PDE1C: variants seen among roughly 807,000 people sequenced by gnomAD.
The protein encoded by PDE1C is phosphodiesterase 1C, also known as dual specificity calcium/calmodulin-dependent 3',5'-cyclic nucleotide phosphodiesterase 1C.
A neutral mutation model predicts 93.1 loss-of-function variants in PDE1C; 62 were observed. The ratio of observed to expected loss-of-function variants is 0.67; its 90% CI spans 0.54 to 0.82. PDE1C has a LOEUF of 0.82. PDE1C is among the 40% of genes least tolerant of loss of function. The pLI, the probability that PDE1C is intolerant of heterozygous loss-of-function variation, is 0.00. For missense variants in PDE1C, 742 were observed against 884.6 expected, an observed-to-expected ratio of 0.84 and a Z score of 2.04; for synonymous variants, 325 against 310.1, an observed-to-expected ratio of 1.05 and a Z score of -0.50.
At position 32,112,842 on chromosome 7, in the gene PDE1C, GTGTGTA is replaced by G. The variant is rs1471887921; in HGVS notation, c.308+56937_308+56942del. Among the ~76,000 whole-genome samples the G allele has an allele frequency of 3.3e-3, 168 of 50,634 alleles. 2 individuals are homozygous for G. The highest frequency in any genetic ancestry group is 7.4e-3 in the African/African-American group (78 of 10,536). 33.2% of individuals were successfully genotyped at this position (50,634 alleles called of 152,430 possible). On this transcript the variant is annotated intron_variant, in intron 3 of 18. Coordinates refer to the PDE1C transcript ENST00000396193. ...TGTGTGTGTGTGTGTGTGTGTGTGT[GTGTGTA>G]TATATATATATATATATATATATAT...
intron 2 of PDE1C, among the ~76,000 whole-genome samples, chr7:32,181,294 G>A (rs552497254): frequency 9.2e-5 from 14 of 152,116 alleles, no homozygotes; most frequent in Middle Eastern, 3.4e-3. Context: ...TGCACCAAGC[G>A]GACCTAATAG....
intron 16 of PDE1C, among the ~76,000 whole-genome samples, chr7:31,801,992 G>C (rs539132129): frequency 1.1e-4 from 17 of 151,460 alleles, no homozygotes; most frequent in Admixed American, 4.0e-4. Flanking sequence ...TTGTATAAAG[G>C]CATAATATAT....
the PDE1C span, among the ~76,000 whole-genome samples, chr7:31,680,256 A>C: frequency 2.6e-5 from 4 of 152,208 alleles, no homozygotes; most frequent in African/African-American, 9.6e-5. Context: ...CTTTGAGAAC[A>C]TGATACTCAA....
chr7:32,303,416 T>G (rs1025833607), upstream of PDE1C, among the ~76,000 whole-genome samples: 2 of 152,142 alleles, frequency 1.3e-5, no homozygotes, highest in African/African-American at 2.4e-5. Flanking sequence ...CTTTTAGAAT[T>G]TTTACAGGAA....
intron 1 of PDE1C, among the ~76,000 whole-genome samples, chr7:32,279,078 ACT>A (rs764049584): frequency 6.6e-6 from 1 of 152,164 alleles, no homozygotes; most frequent in Non-Finnish European, 1.5e-5. Flanking sequence ...GAAAAACCAA[ACT>A]CAAATATAAA....
chr7:32,158,508 T>G (rs1801713363), intron 3 of PDE1C, among the ~76,000 whole-genome samples: 1 of 152,174 alleles, frequency 6.6e-6, no homozygotes, highest in South Asian at 2.1e-4. Flanking sequence ...ACTACAGCAT[T>G]TAGAAGGATG....
chr7:31,628,843 T>G, the PDE1C span, among the ~76,000 whole-genome samples: 1 of 152,176 alleles, frequency 6.6e-6, no homozygotes, highest in Non-Finnish European at 1.5e-5. Context: ...AAGCACTATT[T>G]CTTCTTACTG....
chr7:31,652,851 T>G, the PDE1C span: 1 of 1,598,796 alleles, frequency 6.3e-7, no homozygotes, highest in Admixed American at 1.7e-5. Context: ...TTTGTTAACC[T>G]TCATACAAAA....
chr7:32,188,096 T>C (rs1244593575), intron 2 of PDE1C, among the ~76,000 whole-genome samples: 7 of 152,236 alleles, frequency 4.6e-5, no homozygotes, highest in Non-Finnish European at 1.0e-4. Flanking sequence ...AGCTGTCTTA[T>C]GCTATTTGCA....
intron 2 of PDE1C, among the ~76,000 whole-genome samples, chr7:31,971,227 A>T (rs1175974555): frequency 1.3e-5 from 2 of 152,130 alleles, no homozygotes; most frequent in African/African-American, 4.8e-5. Flanking sequence ...TCCTACATGT[A>T]TTGCACTGAG....
intron 2 of PDE1C, among the ~76,000 whole-genome samples, chr7:32,022,968 T>C (rs1788892385): frequency 6.6e-6 from 1 of 152,020 alleles, no homozygotes. Flanking sequence ...TATTTCTTTT[T>C]TTTTTTTTTA....
chr7:32,419,036 T>C (rs1785332633), intron 1 of PDE1C, among the ~76,000 whole-genome samples: 1 of 152,242 alleles, frequency 6.6e-6, no homozygotes, highest in Non-Finnish European at 1.5e-5. Context: ...CCCAGTACTC[T>C]GACTGGCAGA....
chr7:31,775,561 A>T (rs751283945), intron 17 of PDE1C, 103 bp downstream of exon 17: 3 of 902,274 alleles, frequency 3.3e-6, no homozygotes, highest in Admixed American at 2.2e-5. Flanking sequence ...TAGACTGGAT[A>T]ACTATGGGGC....
the PDE1C span, among the ~76,000 whole-genome samples, chr7:31,698,469 C>G: frequency 1.4e-4 from 22 of 152,314 alleles, no homozygotes; most frequent in Admixed American, 7.2e-4. Context: ...ACAACTCTCC[C>G]TCAGTTTCTT....
intron 3 of PDE1C, among the ~76,000 whole-genome samples, chr7:32,147,327 A>AGAAAGAAAGAAG (rs1800954985): frequency 4.7e-5 from 7 of 149,954 alleles, no homozygotes; most frequent in Non-Finnish European, 1.5e-5. Flanking sequence ...AAAGAAAGAA[A>AGAAAGAAAGAAG]GAAAGACGCT....
At chr7:31,941,866 C>T (rs202233101) in intron 2 of PDE1C, among the ~76,000 whole-genome samples, 2 of 152,104 alleles carry the variant, frequency 1.3e-5, no homozygotes, top group African/African-American at 2.4e-5. Flanking sequence ...AACAAGATAA[C>T]GTATGAAAGT....
chr7:32,287,670 C>T (rs754425596), intron 1 of PDE1C, among the ~76,000 whole-genome samples: 5 of 152,300 alleles, frequency 3.3e-5, no homozygotes, highest in Admixed American at 6.5e-5. Context: ...CTGCAAAGTA[C>T]GGGTCCAGAG....
intron 3 of PDE1C, among the ~76,000 whole-genome samples, chr7:32,087,643 C>T (rs1460499981): frequency 1.3e-5 from 2 of 152,108 alleles, no homozygotes; most frequent in Non-Finnish European, 2.9e-5. Context: ...AAATGTGGCA[C>T]ATATACACCA....
rs1049142557 is a variant in PDE1C at position 31,947,565 on chromosome 7, G to A, written c.129-66705C>T. On this transcript the variant is annotated intron_variant, in intron 2 of 17. Coordinates refer to ENST00000396191, the MANE Select transcript of PDE1C (RefSeq NM_001191057.4). ...AAAGTCAGCCAGGCCTTCCCTATAG[G>A]AGCAGCCCCCATCATTCACTGCTGC... 3.3e-5 allele frequency among the ~76,000 whole-genome samples: 5 copies of A among 152,262 alleles called. 1 individual carries two copies. In the East Asian group the frequency reaches 9.7e-4, roughly 29 times the overall value.
Sources: gnomAD v4.1 joint callset for allele counts (sites outside exome capture counted in the v4.1 genomes callset) on GRCh38, gnomAD v4.1.1 for gene constraint, MANE v1.5 for transcripts, NCBI Gene and HGNC (gene_info 2026-07-23, HGNC 2026-07-21) for gene names.